Variants in PLXNA4 observed in about 807,000 individuals in gnomAD.
PLXNA4 encodes plexin-A4.
Under a neutral mutation model 191.8 loss-of-function variants are expected in PLXNA4, and 44 were observed. That is an observed-to-expected ratio of 0.23 (90% CI 0.18 to 0.29). The LOEUF is 0.29. Among genes scored for constraint, PLXNA4 ranks in the 10% least tolerant of loss-of-function variants. PLXNA4 has a pLI of 1.00. For missense variants in PLXNA4, 1,800 were observed against 2,488.8 expected (o/e 0.72, Z 5.89); for synonymous variants, 1,082 against 1,009.5 (o/e 1.07, Z -1.36).
At chr7:132,366,750 T>A (rs994911254) in intron 3 of PLXNA4, among the ~76,000 whole-genome samples, 1 of 152,178 alleles carries the variant, frequency 6.6e-6, no homozygotes, top group African/African-American at 2.4e-5. Context: ...AGAGCTTTAA[T>A]CTTTTTTAAT....
At chr7:132,470,176 A>G (rs1437529902) in intron 3 of PLXNA4, among the ~76,000 whole-genome samples, 1 of 152,192 alleles carries the variant, frequency 6.6e-6, no homozygotes, top group Non-Finnish European at 1.5e-5. Context: ...GACACTGAGA[A>G]GTTTACAGAG....
chr7:132,547,790 G>A (rs1191050450), intron 1 of PLXNA4, among the ~76,000 whole-genome samples: 1 of 152,100 alleles, frequency 6.6e-6, no homozygotes, highest in Admixed American at 6.6e-5. Context: ...AGAGTTTGTT[G>A]GTGGCCTAGA....
chr7:132,156,294 G>C (rs1223127239), intron 25 of PLXNA4, among the ~76,000 whole-genome samples: 1 of 152,168 alleles, frequency 6.6e-6, no homozygotes, highest in African/African-American at 2.4e-5. Flanking sequence ...GGAGTAGAGG[G>C]AGAGGAGTGG....
intron 2 of PLXNA4, among the ~76,000 whole-genome samples, chr7:132,592,376 G>A (rs1184276151): frequency 6.6e-6 from 1 of 152,114 alleles, no homozygotes; most frequent in Non-Finnish European, 1.5e-5. Context: ...AATGCACCCA[G>A]GAGTCCTGAC....
At chr7:132,157,989 C>T (rs993814999) in intron 25 of PLXNA4, among the ~76,000 whole-genome samples, 1 of 152,164 alleles carries the variant, frequency 6.6e-6, no homozygotes, top group Non-Finnish European at 1.5e-5. Context: ...CACATGTGAG[C>T]ACACACCCAT....
At chr7:132,282,245 G>A (rs910805150) in intron 4 of PLXNA4, among the ~76,000 whole-genome samples, 1 of 152,100 alleles carries the variant, frequency 6.6e-6, no homozygotes. Flanking sequence ...CTGGTGTGCT[G>A]CACCCACTAA....
chr7:132,440,651 C>T (rs1173084325), intron 3 of PLXNA4, among the ~76,000 whole-genome samples: 2 of 152,100 alleles, frequency 1.3e-5, no homozygotes, highest in Admixed American at 1.3e-4. Context: ...TTTTTAAGGG[C>T]CCTCCAAAGA....
At chr7:132,605,403 T>C (rs1802904453) in intron 2 of PLXNA4, among the ~76,000 whole-genome samples, 1 of 152,196 alleles carries the variant, frequency 6.6e-6, no homozygotes, top group South Asian at 2.1e-4. Context: ...CAGATCTTTG[T>C]CCCCAGGATT....
chr7:132,548,198 T>C (rs1055457081), intron 1 of PLXNA4, among the ~76,000 whole-genome samples: 84 of 152,256 alleles, frequency 5.5e-4, no homozygotes, highest in Non-Finnish European at 6.3e-4. Context: ...GAGTCCTGCT[T>C]GTTGAAAAGC....
intron 3 of PLXNA4, among the ~76,000 whole-genome samples, chr7:132,461,522 T>G (rs1164234992): frequency 1.3e-5 from 2 of 152,178 alleles, no homozygotes; most frequent in Non-Finnish European, 2.9e-5. Context: ...ATAATAGTGA[T>G]AATAAAAGCC....
At chr7:132,261,892 A>G (rs1414410441) in intron 4 of PLXNA4, among the ~76,000 whole-genome samples, 1 of 152,184 alleles carries the variant, frequency 6.6e-6, no homozygotes, top group Non-Finnish European at 1.5e-5. Context: ...ACCTACACAC[A>G]CAGTCCCAGG....
At chr7:132,540,892 C>T (rs951100201) in intron 1 of PLXNA4, among the ~76,000 whole-genome samples, 3 of 151,668 alleles carry the variant, frequency 2.0e-5, no homozygotes, top group East Asian at 1.9e-4. Context: ...CGGCCTGGAC[C>T]GTTCTTAAAA....
chr7:132,585,311 T>C lies in PLXNA4; in HGVS notation c.-87+60617A>G, dbSNP rs140096434. ...ATGGTACAGGCCAAAAATAGGATGA[T>C]GCCAGGAAACATTTAGATAGCAACA... On this transcript the variant is annotated intron_variant, in intron 2 of 4. Coordinates refer to the PLXNA4 transcript ENST00000378539. Among the ~76,000 whole-genome samples the C allele has an allele frequency of 5.4e-4, 83 of 152,306 alleles. 1 individual carries two copies. In the East Asian group the frequency reaches 0.012, roughly 22 times the overall value.
At chr7:132,549,080 T>A (rs764053288) in intron 1 of PLXNA4, among the ~76,000 whole-genome samples, 24 of 152,170 alleles carry the variant, frequency 1.6e-4, no homozygotes, top group African/African-American at 5.8e-4. Flanking sequence ...TCATGAATAA[T>A]CCACCCCTCG....
At chr7:132,629,132 A>C (rs1366045055) in intron 2 of PLXNA4, among the ~76,000 whole-genome samples, 1 of 152,144 alleles carries the variant, frequency 6.6e-6, no homozygotes, top group Non-Finnish European at 1.5e-5. Context: ...TCTTGGGTGG[A>C]TTGTTTTACT....
At chr7:132,439,487 T>G (rs1411493915) in intron 3 of PLXNA4, among the ~76,000 whole-genome samples, 1 of 75,328 alleles carries the variant, frequency 1.3e-5, no homozygotes, top group African/African-American at 2.9e-5. Flanking sequence ...TACACACATA[T>G]GCATATATAT....
chr7:132,370,776 C>G (rs899559341), intron 3 of PLXNA4, among the ~76,000 whole-genome samples: 1 of 152,192 alleles, frequency 6.6e-6, no homozygotes, highest in Admixed American at 6.5e-5. Context: ...CCTGCTCAAG[C>G]CCCTAGATAT....
At chr7:132,645,327 T>A (rs892448413) in intron 2 of PLXNA4, among the ~76,000 whole-genome samples, 1 of 152,134 alleles carries the variant, frequency 6.6e-6, no homozygotes, top group Non-Finnish European at 1.5e-5. Flanking sequence ...GCTGTTCTCA[T>A]GACAGTGAGT....
chr7:132,271,763 T>C (rs1800083190), intron 4 of PLXNA4, among the ~76,000 whole-genome samples: 1 of 152,180 alleles, frequency 6.6e-6, no homozygotes, highest in Middle Eastern at 3.4e-3. Flanking sequence ...AGGCTACCTT[T>C]TTAAAAGAGT....
Sources: gnomAD v4.1 joint callset for allele counts (sites outside exome capture counted in the v4.1 genomes callset) on GRCh38, gnomAD v4.1.1 for gene constraint, MANE v1.5 for transcripts, NCBI Gene and HGNC (gene_info 2026-07-23, HGNC 2026-07-21) for gene names.